The following GATAD2A variants were observed in gnomAD, a reference collection of about 807,000 sequenced individuals.
The protein encoded by GATAD2A is transcriptional repressor p66-alpha.
A neutral mutation model predicts 68.5 loss-of-function variants in GATAD2A; 12 were observed. The ratio of observed to expected loss-of-function variants is 0.18; its 90% CI spans 0.11 to 0.28. The LOEUF (loss-of-function observed/expected upper bound fraction) is 0.28. Among genes scored for constraint, GATAD2A ranks in the 10% least tolerant of loss-of-function variants. The probability of loss-of-function intolerance (pLI) is 1.00; values close to 1 mark genes in which losing one functional copy is unlikely to be tolerated. For synonymous variants in GATAD2A, 410 were observed against 375.3 expected (o/e 1.09, Z -1.07); for missense variants, 755 against 868.5 (o/e 0.87, Z 1.64).
intron 2 of GATAD2A, among the ~76,000 whole-genome samples, chr19:19,465,897 G>A (rs899942129): frequency 6.6e-6 from 1 of 152,232 alleles, no homozygotes; most frequent in Non-Finnish European, 1.5e-5. Context: ...TGCCACCCAC[G>A]CACCTGCTGT....
At chr19:19,483,231 C>G (rs2059181082) in intron 2 of GATAD2A, among the ~76,000 whole-genome samples, 1 of 152,176 alleles carries the variant, frequency 6.6e-6, no homozygotes. Flanking sequence ...CACACAGACT[C>G]TCTCTCTTTT....
intron 1 of GATAD2A, among the ~76,000 whole-genome samples, chr19:19,464,206 G>A (rs949567057): frequency 2.6e-5 from 4 of 152,224 alleles, no homozygotes; most frequent in Non-Finnish European, 5.9e-5. Context: ...TGCCACAGGT[G>A]TGAATTGGGG....
intron 1 of GATAD2A, among the ~76,000 whole-genome samples, chr19:19,436,635 T>G (rs2147545394): frequency 6.6e-6 from 1 of 152,348 alleles, no homozygotes; most frequent in Admixed American, 6.5e-5. Flanking sequence ...CTGGTTGCCC[T>G]TACCTTGCCT....
intron 1 of GATAD2A, among the ~76,000 whole-genome samples, chr19:19,418,387 A>G (rs1024255839): frequency 2.2e-4 from 34 of 152,234 alleles, no homozygotes; most frequent in African/African-American, 8.0e-4. Flanking sequence ...TGAAAGAATG[A>G]AATATCCAAG....
Position 19,507,270 on chromosome 19 carries a change from CAA to C in GATAD2A, c.*1797_*1798del, listed in dbSNP as rs895977885. ...TTACACCAAAAAAAAAAAAAAAAATCAAGAGTATGCAAGCATTTCTATTCCTC... is the reference window on the plus strand; with the variant it reads ...TTACACCAAAAAAAAAAAAAAAAATCGAGTATGCAAGCATTTCTATTCCTC... On this transcript the variant is annotated 3_prime_UTR_variant, in exon 12 of 12. Coordinates refer to ENST00000683918, the MANE Select transcript of GATAD2A (RefSeq NM_001384528.1). 2.3e-5 allele frequency: 3 copies of C among 128,520 alleles called. No individual in the cohort carries two copies. The highest frequency in any genetic ancestry group is 2.5e-4 in the South Asian group (1 of 4,044). The allele number at this position is 128,520 out of a possible 1,614,324, so 8.0% of individuals were successfully genotyped here.
chr19:19,443,332 C>G (rs1209030852), intron 1 of GATAD2A, among the ~76,000 whole-genome samples: 1 of 152,110 alleles, frequency 6.6e-6, no homozygotes, highest in Non-Finnish European at 1.5e-5. Flanking sequence ...GGTATGTGCA[C>G]TTACGCCACA....
upstream of GATAD2A, among the ~76,000 whole-genome samples, chr19:19,403,044 A>G: frequency 6.6e-6 from 1 of 152,088 alleles, no homozygotes. Context: ...AAGTTCTGGG[A>G]TTACAGACGT....
intron 1 of GATAD2A, among the ~76,000 whole-genome samples, chr19:19,452,836 C>T (rs1056753289): frequency 1.3e-5 from 2 of 152,154 alleles, no homozygotes; most frequent in East Asian, 1.9e-4. Context: ...GTGGGACAGT[C>T]GTGTATGGCA....
intron 1 of GATAD2A, among the ~76,000 whole-genome samples, chr19:19,462,361 C>T (rs942178257): frequency 1.3e-5 from 2 of 152,214 alleles, no homozygotes; most frequent in Non-Finnish European, 1.5e-5. Flanking sequence ...GTGGAGGAGG[C>T]TCCTGCCAAA....
Position 19,455,315 on chromosome 19 carries a change from C to T in GATAD2A, c.-6-10025C>T, listed in dbSNP as rs1487905016. Among the ~76,000 whole-genome samples, 3 of 152,094 alleles carry T rather than the reference C, an allele frequency of 2.0e-5. No individual in the cohort carries two copies. In the East Asian group the frequency reaches 5.8e-4, roughly 29 times the overall value. ...GACCAGCCTGGGCAACACAGTGAAA[C>T]CCCGTCTCTACTAAAATACAAAAAG... On this transcript the variant is annotated intron_variant, in intron 1 of 11. Transcript: ENST00000683918.
At chr19:19,499,198 T>C (rs1002825173) in intron 8 of GATAD2A, among the ~76,000 whole-genome samples, 24 of 152,058 alleles carry the variant, frequency 1.6e-4, no homozygotes, top group Non-Finnish European at 2.8e-4. Context: ...GTGCACTGTG[T>C]CCTGGGGGAT....
chr19:19,453,976 T>G (rs954394789), intron 1 of GATAD2A, among the ~76,000 whole-genome samples: 4 of 147,762 alleles, frequency 2.7e-5, no homozygotes, highest in Non-Finnish European at 4.5e-5. Context: ...TTTTTGTGTT[T>G]TTTTTTTTTT....
chr19:19,418,801 C>T (rs1002181585), intron 1 of GATAD2A, among the ~76,000 whole-genome samples: 1 of 152,048 alleles, frequency 6.6e-6, no homozygotes, highest in Non-Finnish European at 1.5e-5. Context: ...GTGGGTGTCC[C>T]GCTGTGACAC....
chr19:19,439,198 G>C (rs989092438), intron 1 of GATAD2A, among the ~76,000 whole-genome samples: 3 of 152,210 alleles, frequency 2.0e-5, no homozygotes, highest in African/African-American at 7.2e-5. Flanking sequence ...ATGGGCACAG[G>C]GGCAGTCTTG....
intron 2 of GATAD2A, among the ~76,000 whole-genome samples, chr19:19,476,877 C>T (rs1221037331): frequency 1.3e-5 from 2 of 152,170 alleles, no homozygotes; most frequent in Admixed American, 6.5e-5. Context: ...AGAGATCTTT[C>T]TGAGGTTTTT....
intron 1 of GATAD2A, among the ~76,000 whole-genome samples, chr19:19,438,623 T>C (rs1177241089): frequency 6.6e-6 from 1 of 152,108 alleles, no homozygotes; most frequent in East Asian, 1.9e-4. Flanking sequence ...AATGAATAAA[T>C]GAATGGAGGA....
upstream of GATAD2A, among the ~76,000 whole-genome samples, chr19:19,400,678 C>T (rs1025225495): frequency 2.0e-5 from 3 of 151,946 alleles, no homozygotes; most frequent in African/African-American, 7.2e-5. Context: ...AATAATTAAT[C>T]TTTTCTTTTC....
intron 11 of GATAD2A, among the ~76,000 whole-genome samples, chr19:19,502,749 C>T (rs1010870474): frequency 1.3e-5 from 2 of 152,368 alleles, no homozygotes; most frequent in African/African-American, 4.8e-5. Flanking sequence ...CTCTCTGCAC[C>T]CAGGCTCAGT....
chr19:19,440,750 A>T (rs1299554438), intron 1 of GATAD2A, among the ~76,000 whole-genome samples: 1 of 152,210 alleles, frequency 6.6e-6, no homozygotes, highest in Non-Finnish European at 1.5e-5. Flanking sequence ...AAAGACAAAA[A>T]TGAATGAATC....
Sources: allele counts gnomAD v4.1 joint callset (sites outside exome capture counted in the v4.1 genomes callset), GRCh38; gene constraint gnomAD v4.1.1; transcripts MANE v1.5; gene names NCBI Gene and HGNC (gene_info 2026-07-23, HGNC 2026-07-21).